Variants in SMIM17 observed in about 807,000 individuals in gnomAD.
SMIM17 encodes the protein small integral membrane protein 17.
SMIM17 carries 10 observed loss-of-function variants against 12.2 expected under a neutral mutation model. The ratio of observed to expected loss-of-function variants is 0.82; its 90% CI spans 0.50 to 1.39. The LOEUF (loss-of-function observed/expected upper bound fraction) is 1.39. Ranked by LOEUF, SMIM17 falls within the 40% of genes most tolerant of loss-of-function variation. SMIM17 has a pLI of 0.00. For synonymous variants in SMIM17, 50 were observed against 44.1 expected (o/e 1.13, Z -0.53); for missense variants, 136 against 118.2 (o/e 1.15, Z -0.70).
chr19:56,656,436 T>TC lies in SMIM17; in HGVS notation c.*1225dup, dbSNP rs2045152947. ...GGTTTATCTAGCTTACTATTGTTTT[T>TC]CCAAAGAACCAACATTAGGATTCAT... On this transcript the variant is annotated 3_prime_UTR_variant, in exon 4 of 4. Coordinates refer to ENST00000598409, the MANE Select transcript of SMIM17 (RefSeq NM_001193628.2). 6.6e-6 allele frequency among the ~76,000 whole-genome samples: 1 copy of TC among 152,216 alleles called. No homozygotes were observed. Among genetic ancestry groups the TC allele is most frequent in the African/African-American group, 2.4e-5 (1 of 41,466 alleles).
intron 1 of SMIM17, among the ~76,000 whole-genome samples, chr19:56,644,959 C>T (rs2045050580): frequency 6.6e-6 from 1 of 152,220 alleles, no homozygotes; most frequent in African/African-American, 2.4e-5. Flanking sequence ...AACCCTCCCA[C>T]CTTGGTCTCC....
rs1033367812 is a variant in SMIM17, at chr19:56,656,338, C to T, written c.*1125C>T. On this transcript the variant is annotated 3_prime_UTR_variant, in exon 4 of 4. Coordinates refer to ENST00000598409, the MANE Select transcript of SMIM17 (RefSeq NM_001193628.2). ...CATAATGTTTTATAATTAAAAATTTCTCTTTATTTTGTTCTATCCCCTGTT... is the reference window on the plus strand; with the variant it reads ...CATAATGTTTTATAATTAAAAATTTTTCTTTATTTTGTTCTATCCCCTGTT... 1.3e-5 allele frequency among the ~76,000 whole-genome samples: 2 copies of T among 152,042 alleles called. No homozygotes were observed. Among genetic ancestry groups the T allele is most frequent in the Non-Finnish European group, 2.9e-5 (2 of 68,002 alleles).
intron 1 of SMIM17, among the ~76,000 whole-genome samples, chr19:56,643,891 G>T (rs2045042720): frequency 3.3e-5 from 5 of 152,186 alleles, no homozygotes; most frequent in South Asian, 2.1e-4. Flanking sequence ...AACACTGCCG[G>T]TATTTTTATT....
At chr19:56,649,696 G>T (rs979917154) in intron 3 of SMIM17, among the ~76,000 whole-genome samples, 1 of 152,136 alleles carries the variant, frequency 6.6e-6, no homozygotes, top group Non-Finnish European at 1.5e-5. Flanking sequence ...GTACAGATGT[G>T]CCTGGTACAT....
intron 3 of SMIM17, 37 bp downstream of exon 3, chr19:56,647,671 C>CCACTCTGTAGATCTCAG: frequency 6.7e-7 from 1 of 1,495,926 alleles, no homozygotes; most frequent in South Asian, 1.2e-5. Context: ...CACAAATGTC[C>CCACTCTGTAGATCTCAG]CACTCTGTAG....
At chr19:56,647,260 C>G (rs1200242309) in intron 2 of SMIM17, among the ~76,000 whole-genome samples, 1 of 152,098 alleles carries the variant, frequency 6.6e-6, no homozygotes, top group Non-Finnish European at 1.5e-5. Context: ...CAGGGCACAT[C>G]AGGTGACCCA....
chr19:56,647,480 G>A, intron 2 of SMIM17, 78 bp from the exon 3 acceptor site: 3 of 982,522 alleles, frequency 3.1e-6, no homozygotes, highest in Non-Finnish European at 4.5e-6. Flanking sequence ...GGGACAAGAT[G>A]CCAGTGGGAA....
intron 3 of SMIM17, among the ~76,000 whole-genome samples, chr19:56,649,721 G>A (rs1389826280): frequency 1.1e-4 from 17 of 152,132 alleles, no homozygotes; most frequent in Admixed American, 1.1e-3. Flanking sequence ...GGAACACCAA[G>A]GGGCATGGTG....
intron 2 of SMIM17, among the ~76,000 whole-genome samples, chr19:56,646,591 C>T (rs1291456754): frequency 6.6e-6 from 1 of 152,090 alleles, no homozygotes; most frequent in Non-Finnish European, 1.5e-5. Flanking sequence ...GTTTGAGAAA[C>T]CCTGAGTCTC....
At chr19:56,643,854 G>A (rs1299720157) in intron 1 of SMIM17, among the ~76,000 whole-genome samples, 1 of 152,208 alleles carries the variant, frequency 6.6e-6, no homozygotes, top group African/African-American at 2.4e-5. Context: ...GCAGGGCTGG[G>A]CACAAGGAGA....
intron 3 of SMIM17, among the ~76,000 whole-genome samples, chr19:56,649,988 G>T (rs1282086418): frequency 6.6e-6 from 1 of 152,048 alleles, no homozygotes; most frequent in Non-Finnish European, 1.5e-5. Flanking sequence ...GGTGTTCGGG[G>T]ACTTACAGAA....
intron 3 of SMIM17, among the ~76,000 whole-genome samples, chr19:56,649,820 G>A (rs1372561580): frequency 6.6e-6 from 1 of 152,082 alleles, no homozygotes; most frequent in Admixed American, 6.5e-5. Flanking sequence ...ATGGGCCATG[G>A]TGAAATGTGA....
At position 56,656,736 on chromosome 19, in the gene SMIM17, G is replaced by T. The variant is rs2045154809; in HGVS notation, c.*1523G>T. ...TTACATTGTAGTGTTTCTAAAGAGT[G>T]CTTTGAAACTCAGTGATTTGGTTTA... On this transcript the variant is annotated 3_prime_UTR_variant, in exon 4 of 4. Coordinates refer to ENST00000598409, the MANE Select transcript of SMIM17 (RefSeq NM_001193628.2). 6.6e-6 allele frequency among the ~76,000 whole-genome samples: 1 copy of T among 152,156 alleles called. No individual in the cohort carries two copies. The highest frequency in any genetic ancestry group is 2.1e-4 in the South Asian group (1 of 4,826).
At chr19:56,648,926 C>G (rs999796765) in intron 3 of SMIM17, among the ~76,000 whole-genome samples, 1 of 152,166 alleles carries the variant, frequency 6.6e-6, no homozygotes, top group Admixed American at 6.5e-5. Flanking sequence ...CCATCCATCT[C>G]CCAATCATGT....
intron 3 of SMIM17, among the ~76,000 whole-genome samples, chr19:56,652,918 C>T (rs2045120861): frequency 6.6e-6 from 1 of 152,152 alleles, no homozygotes; most frequent in African/African-American, 2.4e-5. Flanking sequence ...GCCTGAAAAA[C>T]AGAAATAAAG....
chr19:56,654,764 T>C lies in SMIM17; in HGVS notation c.247-339T>C, dbSNP rs151294410. 4.3e-4 allele frequency among the ~76,000 whole-genome samples: 65 copies of C among 152,298 alleles called. 1 individual carries two copies. The East Asian group carries it at 0.012, about 28-fold the overall frequency. On this transcript the variant is annotated intron_variant, in intron 3 of 3. Coordinates refer to ENST00000598409, the MANE Select transcript of SMIM17 (RefSeq NM_001193628.2). ...GATGGCAAATAGGCAGTGAGATATATAGTTGGGTCAACAAATACACATACA... is the reference window on the plus strand; with the variant it reads ...GATGGCAAATAGGCAGTGAGATATACAGTTGGGTCAACAAATACACATACA...
Position 56,655,655 on chromosome 19 carries a change from C to T in SMIM17, c.*442C>T, listed in dbSNP as rs1330747862. ...GATATTTTATGTAGGATTCTTGCCT[C>T]TATCTTCACATGTGAGATTGGTGCT... On this transcript the variant is annotated 3_prime_UTR_variant, in exon 4 of 4. Transcript: ENST00000598409. The T allele has an allele frequency of 6.1e-6, 1 of 162,958 alleles. No individual in the cohort carries two copies. The highest frequency in any genetic ancestry group is 1.3e-5 in the Non-Finnish European group (1 of 75,578). 10.1% of individuals were successfully genotyped at this position (162,958 alleles called of 1,614,324 possible).
chr19:56,649,413 T>C (rs1249324332), intron 3 of SMIM17, among the ~76,000 whole-genome samples: 1 of 152,030 alleles, frequency 6.6e-6, no homozygotes, highest in Non-Finnish European at 1.5e-5. Context: ...GAGCTCACAG[T>C]CACCGAGGTA....
chr19:56,645,725 ACT>A lies in SMIM17; in HGVS notation c.61_62del (p.Leu21AlafsTer31). 1 of 1,535,246 alleles carries A rather than the reference ACT, an allele frequency of 6.5e-7. No individual in the cohort carries two copies. Among genetic ancestry groups the A allele is most frequent in the Non-Finnish European group, 8.7e-7 (1 of 1,146,646 alleles). On this transcript the variant is annotated frameshift_variant, in exon 2 of 4. Transcript: ENST00000598409. LOFTEE classifies it high-confidence loss of function. ...RGLLEPERTK[T>X]LLPRESRAWE... is the part of the protein sequence containing the mutation. Reference sequence around the variant, plus strand: ...GCTGCTGGAGCCTGAGAGGACCAAGACTCTGCTGCCTCGGGAGAGCCGGGCCT... The same window carrying A: ...GCTGCTGGAGCCTGAGAGGACCAAGACTGCTGCCTCGGGAGAGCCGGGCCT...
Sources: gnomAD v4.1 joint callset for allele counts (sites outside exome capture counted in the v4.1 genomes callset) on GRCh38, gnomAD v4.1.1 for gene constraint, MANE v1.5 for transcripts, NCBI Gene and HGNC (gene_info 2026-07-23, HGNC 2026-07-21) for gene names.